FTCDNL1: variants seen among roughly 807,000 people sequenced by gnomAD.
FTCDNL1 encodes the protein formiminotransferase N-terminal subdomain-containing protein.
FTCDNL1 carries 11 observed loss-of-function variants against 5.9 expected under a neutral mutation model. The ratio of observed to expected loss-of-function variants is 1.87; its 90% CI spans 1.18 to 3.10. The LOEUF (loss-of-function observed/expected upper bound fraction) is 3.10, where lower values mean the gene tolerates loss of function less well. FTCDNL1 is among the 30% of genes most tolerant of loss of function. The probability of loss-of-function intolerance (pLI) is 0.00; values close to 1 mark genes in which losing one functional copy is unlikely to be tolerated. For synonymous variants in FTCDNL1, 58 were observed against 24.8 expected, an observed-to-expected ratio of 2.34 and a Z score of -3.99; for missense variants, 115 against 65.5, an observed-to-expected ratio of 1.76 and a Z score of -2.61.
chr2:199,717,458 T>A, the FTCDNL1 span, among the ~76,000 whole-genome samples: 4,851 of 147,142 alleles, frequency 0.033, 122 homozygotes, highest in African/African-American at 0.073. Flanking sequence ...TTAGAATTGC[T>A]CAGCAGCAGG....
chr2:199,790,041 T>C (rs1423958993), intron 3 of FTCDNL1, among the ~76,000 whole-genome samples: 1 of 152,130 alleles, frequency 6.6e-6, no homozygotes, highest in African/African-American at 2.4e-5. Flanking sequence ...TCATTTTGAT[T>C]AGAATTTTGA....
At chr2:199,778,773 T>C (rs1699215131) in intron 3 of FTCDNL1, among the ~76,000 whole-genome samples, 1 of 152,232 alleles carries the variant, frequency 6.6e-6, no homozygotes, top group South Asian at 2.1e-4. Context: ...TTTTTCCCTT[T>C]GTGGCTGAAA....
chr2:199,765,727 G>A (rs1698503947), intron 3 of FTCDNL1, among the ~76,000 whole-genome samples: 1 of 151,266 alleles, frequency 6.6e-6, no homozygotes. Flanking sequence ...ATTTTTGGTA[G>A]AGACCGGGTT....
intron 3 of FTCDNL1, among the ~76,000 whole-genome samples, chr2:199,845,059 T>TC (rs2076693764): frequency 6.6e-6 from 1 of 151,500 alleles, no homozygotes. Flanking sequence ...ACACGTAAAT[T>TC]TTTTTTTTGC....
At chr2:199,673,500 T>G in the FTCDNL1 span, among the ~76,000 whole-genome samples, 1 of 152,186 alleles carries the variant, frequency 6.6e-6, no homozygotes, top group Non-Finnish European at 1.5e-5. Flanking sequence ...CGTGATGACA[T>G]CATTTTTTGT....
chr2:199,780,897 CTT>C lies in FTCDNL1; in HGVS notation c.212-20064_212-20063del, dbSNP rs1271108624. Among the ~76,000 whole-genome samples, 4 of 152,178 alleles carry C rather than the reference CTT, an allele frequency of 2.6e-5. No homozygotes were observed. In the East Asian group the frequency reaches 7.7e-4, roughly 29 times the overall value. On this transcript the variant is annotated intron_variant, in intron 3 of 3. Coordinates refer to the FTCDNL1 transcript ENST00000416668. ...CACTTCTTTCTGTGCCTGCTGTTCT[CTT>C]GTGTCCCCTCATGGAAGTGCTCTTC... is the stretch of plus-strand genomic sequence containing the variant.
the FTCDNL1 span, among the ~76,000 whole-genome samples, chr2:199,668,412 C>T: frequency 2.0e-5 from 3 of 152,054 alleles, no homozygotes; most frequent in Non-Finnish European, 4.4e-5. Context: ...GGAAACTTCT[C>T]CCTTAATACA....
intron 3 of FTCDNL1, among the ~76,000 whole-genome samples, chr2:199,830,429 A>G (rs1275572974): frequency 2.0e-5 from 3 of 152,174 alleles, no homozygotes; most frequent in East Asian, 3.8e-4. Context: ...GGGTGGTGGA[A>G]ATTTCTCTCT....
Position 199,773,580 on chromosome 2 carries a change from C to T in FTCDNL1, c.212-12745G>A, listed in dbSNP as rs148446476. On this transcript the variant is annotated intron_variant, in intron 3 of 3. Transcript: ENST00000416668. Reference sequence around the variant, plus strand: ...ATCTGGCCTCTCCCTCAGTCAGTGGCATCCAGTCTGAGAAGTGGCTCATGT... The same window carrying T: ...ATCTGGCCTCTCCCTCAGTCAGTGGTATCCAGTCTGAGAAGTGGCTCATGT... Among the ~76,000 whole-genome samples, 4 of 152,322 alleles carry T rather than the reference C, an allele frequency of 2.6e-5. No homozygotes were observed. The East Asian group carries it at 5.8e-4, about 22-fold the overall frequency.
chr2:199,710,856 C>G, the FTCDNL1 span, among the ~76,000 whole-genome samples: 1 of 152,096 alleles, frequency 6.6e-6, no homozygotes, highest in African/African-American at 2.4e-5. Context: ...TGCTTTAGTG[C>G]AAACCATCCT....
chr2:199,696,578 A>G, the FTCDNL1 span, among the ~76,000 whole-genome samples: 1 of 152,262 alleles, frequency 6.6e-6, no homozygotes, highest in South Asian at 2.1e-4. Context: ...AAACAAAGCC[A>G]GTCAACTGAA....
At chr2:199,812,804 T>G (rs894247386) in intron 4 of FTCDNL1, 80 bp from the exon 5 acceptor site, 1 of 643,382 alleles carries the variant, frequency 1.6e-6, no homozygotes, top group African/African-American at 1.8e-5. Context: ...TTCTAAATAT[T>G]GGTGTTTACT....
At chr2:199,664,043 TAA>T in the FTCDNL1 span, among the ~76,000 whole-genome samples, 1 of 138,474 alleles carries the variant, frequency 7.2e-6, no homozygotes, top group Non-Finnish European at 1.6e-5. Context: ...GTTTTCTGTT[TAA>T]AAAAAAAAAA....
At chr2:199,801,311 C>T (rs879911211) in intron 3 of FTCDNL1, among the ~76,000 whole-genome samples, 6 of 152,130 alleles carry the variant, frequency 3.9e-5, no homozygotes, top group Admixed American at 6.5e-5. Flanking sequence ...GAGCCACTCC[C>T]AGAACCAGCC....
downstream of FTCDNL1, among the ~76,000 whole-genome samples, chr2:199,806,832 A>G (rs1700750089): frequency 6.6e-6 from 1 of 152,216 alleles, no homozygotes; most frequent in African/African-American, 2.4e-5. Flanking sequence ...TCTTTTAAGA[A>G]ACTAAAAGTT....
At chr2:199,750,496 C>T in the FTCDNL1 span, among the ~76,000 whole-genome samples, 2 of 152,178 alleles carry the variant, frequency 1.3e-5, no homozygotes, top group South Asian at 2.1e-4. Flanking sequence ...TCCAACTTGA[C>T]TGAACTTATT....
chr2:199,771,578 C>G (rs1345037200), intron 3 of FTCDNL1, among the ~76,000 whole-genome samples: 1 of 152,162 alleles, frequency 6.6e-6, no homozygotes, highest in South Asian at 2.1e-4. Context: ...TCATTAATTT[C>G]TTATGGTATA....
At chr2:199,800,850 C>T (rs965681506) in intron 3 of FTCDNL1, among the ~76,000 whole-genome samples, 1 of 152,144 alleles carries the variant, frequency 6.6e-6, no homozygotes, top group Non-Finnish European at 1.5e-5. Flanking sequence ...AATTCTGTTT[C>T]CTATGATTAT....
At chr2:199,755,753 T>G (rs1574422800), downstream of FTCDNL1, among the ~76,000 whole-genome samples, 1 of 152,212 alleles carries the variant, frequency 6.6e-6, no homozygotes, top group African/African-American at 2.4e-5. Flanking sequence ...GGTAAATTAC[T>G]GAACTTTTCT....
Sources: allele counts gnomAD v4.1 joint callset (sites outside exome capture counted in the v4.1 genomes callset), GRCh38; gene constraint gnomAD v4.1.1; transcripts MANE v1.5; gene names NCBI Gene and HGNC (gene_info 2026-07-23, HGNC 2026-07-21).